The following WDR45B variants were observed in gnomAD, a reference collection of about 807,000 sequenced individuals.
WDR45B encodes the protein WD repeat domain 45B.
Under a neutral mutation model 44.6 loss-of-function variants are expected in WDR45B, and 20 were observed. The ratio of observed to expected loss-of-function variants is 0.45; its 90% CI spans 0.32 to 0.65. WDR45B has a LOEUF of 0.65. WDR45B is among the 30% of genes least tolerant of loss of function. The pLI, the probability that WDR45B is intolerant of heterozygous loss-of-function variation, is 0.05. For missense variants in WDR45B, 323 were observed against 430.2 expected, an observed-to-expected ratio of 0.75 and a Z score of 2.20; for synonymous variants, 169 against 164.9, an observed-to-expected ratio of 1.02 and a Z score of -0.19.
intron 4 of WDR45B, among the ~76,000 whole-genome samples, chr17:82,626,237 A>C (rs1598265970): frequency 6.6e-6 from 1 of 151,102 alleles, no homozygotes; most frequent in African/African-American, 2.4e-5. Flanking sequence ...ACAAACCCAC[A>C]CAAAAATGCA....
At chr17:82,643,074 C>A (rs1479852206) in intron 2 of WDR45B, among the ~76,000 whole-genome samples, 1 of 152,206 alleles carries the variant, frequency 6.6e-6, no homozygotes, top group Admixed American at 6.5e-5. Context: ...GCGTGTCTTA[C>A]GCACCCTGAC....
chr17:82,627,321 A>C (rs373643683), intron 3 of WDR45B, 30 bp from the exon 4 acceptor site: 2 of 1,555,480 alleles, frequency 1.3e-6, no homozygotes, highest in South Asian at 2.2e-5. Context: ...AGATGAATGC[A>C]GTCATCAGCA....
intron 2 of WDR45B, among the ~76,000 whole-genome samples, chr17:82,637,333 T>C (rs1364636737): frequency 6.6e-6 from 1 of 151,852 alleles, no homozygotes; most frequent in Non-Finnish European, 1.5e-5. Flanking sequence ...AAACTTGAGG[T>C]ACACCCCAGT....
Position 82,631,030 on chromosome 17 carries a change from G to T in WDR45B, c.143-8C>A, listed in dbSNP as rs780737214. On this transcript the variant is annotated splice_polypyrimidine_tract_variant and splice_region_variant and intron_variant, in intron 2 of 9. Transcript: ENST00000392325. ...CTCCTCCTTCTAGAAATTCTGAAAT[G>T]ATAGTTTTAAAAAGACCAATGTTAC... is the stretch of plus-strand genomic sequence containing the variant. The T allele has an allele frequency of 4.3e-6, 7 of 1,611,628 alleles. No individual in the cohort carries two copies. The Admixed American group carries it at 5.0e-5, about 12-fold the overall frequency.
In WDR45B at chr17:82,640,428, G is replaced by A. The variant is rs571993243; in HGVS notation, c.142+3521C>T. ...TGCAGTGGCGAGATCTCGGCTCACT[G>A]CAACCTCCGACTCCCTGGTTCAAGC... On this transcript the variant is annotated intron_variant, in intron 2 of 9. Coordinates refer to ENST00000392325, the MANE Select transcript of WDR45B (RefSeq NM_019613.4). Among the ~76,000 whole-genome samples the A allele has an allele frequency of 4.0e-5, 6 of 150,758 alleles. No individual in the cohort carries two copies. In the Admixed American group the frequency reaches 4.0e-4, roughly 10 times the overall value.
At chr17:82,642,228 G>C (rs141645495) in intron 2 of WDR45B, among the ~76,000 whole-genome samples, 1 of 152,098 alleles carries the variant, frequency 6.6e-6, no homozygotes, top group Non-Finnish European at 1.5e-5. Flanking sequence ...AGCAGCAGGC[G>C]AACAAGCATC....
rs570229369 is a variant in WDR45B at position 82,636,043 on chromosome 17, C to T, written c.143-5021G>A. On this transcript the variant is annotated intron_variant, in intron 2 of 9. Coordinates refer to ENST00000392325, the MANE Select transcript of WDR45B (RefSeq NM_019613.4). ...CAGAGGGTGCGGTGAGCCGAGATCG[C>T]GTCACTGCACTCTAGCCTGGGCAAC... Among the ~76,000 whole-genome samples the T allele has an allele frequency of 7.0e-4, 106 of 152,014 alleles. 2 individuals carry two copies. The highest frequency in any genetic ancestry group is 2.5e-3 in the African/African-American group (104 of 41,350).
chr17:82,643,951 T>C lies in WDR45B; in HGVS notation c.140A>G (p.Gln47Arg), dbSNP rs2045947159. Residue 47 changes from glutamine to arginine, a missense_variant and splice_region_variant, in exon 2 of 10, where the codon CAA becomes CGA. Gln to Arg is a conservative substitution (Grantham distance 43). Coordinates refer to ENST00000392325, the MANE Select transcript of WDR45B (RefSeq NM_019613.4). Reference sequence around the variant, plus strand: ...GAAAATGTCCCGTTAATTCTTACCTTGTTTCTCTTTTTCTTTTAGTGGATC... The same window carrying C: ...GAAAATGTCCCGTTAATTCTTACCTCGTTTCTCTTTTTCTTTTAGTGGATC... ...NTDPLKEKEK[Q>R]EFLEGGVGHV... The C allele has an allele frequency of 1.9e-6, 3 of 1,613,818 alleles. No individual in the cohort carries two copies. Among genetic ancestry groups the C allele is most frequent in the Non-Finnish European group, 2.5e-6 (3 of 1,179,872 alleles).
intron 2 of WDR45B, 85 bp downstream of exon 2, chr17:82,643,864 C>T (rs2045945950): frequency 7.3e-7 from 1 of 1,365,056 alleles, no homozygotes; most frequent in African/African-American, 1.6e-5. Context: ...ACAGCCATCC[C>T]TTCCCTGCTC....
At chr17:82,623,797 G>A (rs993059798) in intron 5 of WDR45B, among the ~76,000 whole-genome samples, 1 of 151,728 alleles carries the variant, frequency 6.6e-6, no homozygotes. Flanking sequence ...AAAAGATCTC[G>A]AAAGGGAAGA....
chr17:82,646,045 C>G (rs2143393268), intron 1 of WDR45B, among the ~76,000 whole-genome samples: 1 of 151,600 alleles, frequency 6.6e-6, no homozygotes, highest in South Asian at 2.1e-4. Flanking sequence ...CGCTTGAACC[C>G]AGGAGGCAGA....
rs1461824868 is a variant in WDR45B, at chr17:82,615,966, G to A, written c.988C>T (p.Arg330Ter). ...TCTAGAAACTGCGCGTAGACATCTC[G>A]GATGCACTCCCCCTTGGGGTTGAAC... ...FLFNPKGECI[R>*]DVYAQFLEMT... Residue 330 changes from arginine to a stop codon, truncating the protein, a stop_gained, in exon 10 of 10, where the codon CGA (arginine) becomes TGA (stop). Transcript: ENST00000392325. LOFTEE classifies it high-confidence loss of function. 3.7e-6 allele frequency: 6 copies of A among 1,613,606 alleles called. No homozygotes were observed. The African/African-American group carries it at 4.0e-5, about 11-fold the overall frequency.
At chr17:82,621,515 C>T (rs2045616500) in intron 6 of WDR45B, 94 bp downstream of exon 6, 2 of 1,547,216 alleles carry the variant, frequency 1.3e-6, no homozygotes, top group Non-Finnish European at 1.8e-6. Context: ...GGGGCAGGCC[C>T]ACTGCCTTTT....
intron 3 of WDR45B, 44 bp from the exon 4 acceptor site, chr17:82,627,335 C>T: frequency 6.6e-7 from 1 of 1,511,214 alleles, no homozygotes; most frequent in African/African-American, 1.4e-5. Flanking sequence ...ATCAGCAGGC[C>T]ATGGCGCTGG....
rs181164955 is a variant in WDR45B at position 82,629,652 on chromosome 17, G to A, written c.244+1269C>T. The A allele has an allele frequency of 6.1e-6, 6 of 985,220 alleles. No individual in the cohort carries two copies. The African/African-American group carries it at 8.7e-5, about 14-fold the overall frequency. The allele number at this position is 985,220 out of a possible 1,614,324, so 61.0% of individuals were successfully genotyped here. On this transcript the variant is annotated intron_variant, in intron 3 of 9. Coordinates refer to ENST00000392325, the MANE Select transcript of WDR45B (RefSeq NM_019613.4). ...TCCTAATTCCAAAACAAAAATAAAT[G>A]TATCAGGCAGGGCCAGTCCTCACCC...
chr17:82,637,158 C>T lies in WDR45B; in HGVS notation c.143-6136G>A, dbSNP rs114788818. Among the ~76,000 whole-genome samples, 665 of 152,126 alleles carry T rather than the reference C, an allele frequency of 4.4e-3. 13 individuals are homozygous for T. The highest frequency in any genetic ancestry group is 0.015 in the African/African-American group (603 of 41,400). On this transcript the variant is annotated intron_variant, in intron 2 of 9. Coordinates refer to ENST00000392325, the MANE Select transcript of WDR45B (RefSeq NM_019613.4). ...ACTGAGCATTTATTTATTCCTGGAA[C>T]ATTTTATACCCACAAAAAGAAGAAA...
chr17:82,618,389 C>A (rs1288534236), intron 7 of WDR45B, among the ~76,000 whole-genome samples: 4 of 152,204 alleles, frequency 2.6e-5, no homozygotes, highest in African/African-American at 9.6e-5. Context: ...CACTGTGGGG[C>A]GGCAGTGTGG....
chr17:82,643,112 C>A (rs548581372), intron 2 of WDR45B, among the ~76,000 whole-genome samples: 15 of 152,162 alleles, frequency 9.9e-5, no homozygotes, highest in Non-Finnish European at 2.1e-4. Flanking sequence ...CTGAGGCAGG[C>A]ATTGTTATCA....
rs775799527 is a variant in WDR45B at position 82,616,508 on chromosome 17, A to G, written c.928+16T>C. On this transcript the variant is annotated intron_variant, in intron 9 of 9. Coordinates refer to ENST00000392325, the MANE Select transcript of WDR45B (RefSeq NM_019613.4). ...TGGGGCGGGTGGGGACGTTCTCTCC[A>G]GGAAGGACCACTCACCAATGACGGC... The G allele has an allele frequency of 5.6e-6, 9 of 1,613,670 alleles. No individual in the cohort carries two copies. The South Asian group carries it at 9.9e-5, about 18-fold the overall frequency.
Sources: allele counts gnomAD v4.1 joint callset (sites outside exome capture counted in the v4.1 genomes callset), GRCh38; gene constraint gnomAD v4.1.1; transcripts MANE v1.5; gene names NCBI Gene and HGNC (gene_info 2026-07-23, HGNC 2026-07-21).